RANBP17: variants seen among roughly 807,000 people sequenced by gnomAD.
RANBP17 encodes the protein RAN binding protein 17, also known as ran-binding protein 17.
A neutral mutation model predicts 141.2 loss-of-function variants in RANBP17; 158 were observed. The ratio of observed to expected loss-of-function variants is 1.12; its 90% CI spans 0.98 to 1.28. The LOEUF (loss-of-function observed/expected upper bound fraction) is 1.28, where lower values mean the gene tolerates loss of function less well. RANBP17 is among the 50% of genes most tolerant of loss of function. RANBP17 has a pLI of 0.00. For synonymous variants in RANBP17, 430 were observed against 450.0 expected (o/e 0.96, Z 0.56); for missense variants, 1,438 against 1,290.7 (o/e 1.11, Z -1.75).
chr5:171,110,697 A>T (rs1217067044), intron 14 of RANBP17, among the ~76,000 whole-genome samples: 1 of 152,160 alleles, frequency 6.6e-6, no homozygotes, highest in African/African-American at 2.4e-5. Flanking sequence ...AAGGTTATAT[A>T]CTAGGTTAGA....
intron 16 of RANBP17, among the ~76,000 whole-genome samples, chr5:171,177,504 C>T (rs1402794543): frequency 6.6e-6 from 1 of 152,154 alleles, no homozygotes; most frequent in African/African-American, 2.4e-5. Context: ...GTACTTTATA[C>T]TTGGGCCAAG....
chr5:171,252,532 G>A (rs183857122), intron 24 of RANBP17: 589 of 1,417,610 alleles, frequency 4.2e-4, no homozygotes, highest in Middle Eastern at 1.1e-3. Context: ...CAGCAAACAG[G>A]AAGCACACAA....
chr5:170,918,722 G>C lies in RANBP17; in HGVS notation c.964G>C (p.Asp322His), dbSNP rs769505744. The change falls in exon 10 of 28, where the codon GAT (aspartate) becomes CAT (histidine). Residue 322 changes from aspartate to histidine, a missense_variant. Transcript: ENST00000523189. Reference protein sequence around the residue: ...RILENPQGLSDPGNYHEFCRF... With the variant: ...RILENPQGLSHPGNYHEFCRF... ...TTGTCTCATAATTTAGGGTTTGTCT[G>C]ATCCAGGTAATTATCATGAATTTTG... 1 of 1,603,112 alleles carries C rather than the reference G, an allele frequency of 6.2e-7. No homozygotes were observed. The highest frequency in any genetic ancestry group is 8.5e-7 in the Non-Finnish European group (1 of 1,174,960).
intron 14 of RANBP17, among the ~76,000 whole-genome samples, chr5:171,026,726 A>AT (rs1781257173): frequency 6.6e-6 from 1 of 151,498 alleles, no homozygotes; most frequent in Non-Finnish European, 1.5e-5. Flanking sequence ...CTGGTTTACA[A>AT]TTTTTTTCTT....
chr5:171,000,753 A>T (rs1304716602), intron 14 of RANBP17, among the ~76,000 whole-genome samples: 1 of 152,154 alleles, frequency 6.6e-6, no homozygotes, highest in Non-Finnish European at 1.5e-5. Flanking sequence ...GCAATGTTTT[A>T]CGGGCAGGGG....
chr5:170,973,887 C>T (rs1777170997), intron 14 of RANBP17, among the ~76,000 whole-genome samples: 1 of 152,178 alleles, frequency 6.6e-6, no homozygotes, highest in African/African-American at 2.4e-5. Flanking sequence ...TATGAGGACA[C>T]TAGTCTCATC....
intron 27 of RANBP17, 109 bp from the exon 28 acceptor site, chr5:171,298,653 C>T (rs908030261): frequency 1.7e-5 from 12 of 707,428 alleles, no homozygotes; most frequent in South Asian, 1.5e-4. Flanking sequence ...AGCCGTCCTC[C>T]AGGAGGGGGC....
chr5:170,914,310 C>A, intron 8 of RANBP17, 70 bp downstream of exon 8: 2 of 955,774 alleles, frequency 2.1e-6, no homozygotes, highest in Non-Finnish European at 3.2e-6. Flanking sequence ...ATATTTACTT[C>A]AAAAATTCTG....
At chr5:170,960,905 C>G (rs1776095490) in intron 13 of RANBP17, among the ~76,000 whole-genome samples, 1 of 152,142 alleles carries the variant, frequency 6.6e-6, no homozygotes, top group East Asian at 1.9e-4. Flanking sequence ...GCCACCACAC[C>G]TGGCTAATTT....
At chr5:171,157,183 T>G (rs747105733) in intron 14 of RANBP17, among the ~76,000 whole-genome samples, 6 of 152,234 alleles carry the variant, frequency 3.9e-5, no homozygotes, top group Non-Finnish European at 8.8e-5. Flanking sequence ...CACATTATGA[T>G]AATTGTGAAT....
At chr5:171,247,255 G>C (rs1264646861) in intron 24 of RANBP17, among the ~76,000 whole-genome samples, 1 of 152,094 alleles carries the variant, frequency 6.6e-6, no homozygotes, top group Admixed American at 6.5e-5. Flanking sequence ...TATTTTCTTT[G>C]TACATATTGG....
At chr5:170,863,376 G>C (rs909868432) in intron 1 of RANBP17, 3 of 152,150 alleles carry the variant, frequency 2.0e-5, no homozygotes, top group African/African-American at 7.2e-5. Context: ...AGACTCTTTT[G>C]AACCCCCTGT....
chr5:170,964,282 T>G (rs1219679344), intron 13 of RANBP17, among the ~76,000 whole-genome samples: 11 of 152,204 alleles, frequency 7.2e-5, no homozygotes, highest in African/African-American at 2.2e-4. Flanking sequence ...GATTGTTAAT[T>G]GCAGCATTTT....
intron 14 of RANBP17, among the ~76,000 whole-genome samples, chr5:170,978,296 T>C (rs1198768415): frequency 6.6e-6 from 1 of 152,144 alleles, no homozygotes; most frequent in African/African-American, 2.4e-5. Flanking sequence ...TATTTGGCGA[T>C]GTACTAAAAC....
At chr5:171,071,223 G>C (rs810498) in intron 14 of RANBP17, among the ~76,000 whole-genome samples, 104,118 of 151,834 alleles carry the variant, frequency 0.69, 35,876 homozygotes, top group South Asian at 0.89. Flanking sequence ...TTTATTTAAT[G>C]TGTATGTCAT....
intron 16 of RANBP17, among the ~76,000 whole-genome samples, chr5:171,177,336 GT>G (rs1438639974): frequency 6.6e-6 from 1 of 151,992 alleles, no homozygotes; most frequent in African/African-American, 2.4e-5. Context: ...CTTGAGTATT[GT>G]TTTGATCTGA....
At chr5:171,257,137 A>G (rs1765951711) in intron 24 of RANBP17, among the ~76,000 whole-genome samples, 1 of 152,186 alleles carries the variant, frequency 6.6e-6, no homozygotes. Flanking sequence ...ACAGGCCATT[A>G]TGAACATAGG....
chr5:171,203,458 A>C (rs2127958477), intron 19 of RANBP17, among the ~76,000 whole-genome samples: 1 of 152,318 alleles, frequency 6.6e-6, no homozygotes, highest in East Asian at 1.9e-4. Flanking sequence ...TTTGAGCATA[A>C]GAAATCTATT....
At position 171,265,704 on chromosome 5, in the gene RANBP17, T is replaced by A. The variant is rs757797144; in HGVS notation, c.2800T>A (p.Cys934Ser). The A allele has an allele frequency of 6.2e-7, 1 of 1,613,538 alleles. No homozygotes were observed. The highest frequency in any genetic ancestry group is 8.5e-7 in the Non-Finnish European group (1 of 1,179,862). Residue 934 changes from cysteine (C) to serine (S), a missense_variant, in exon 25 of 28, where the codon TGT becomes AGT. Transcript: ENST00000523189. ...TLDTVVSSSC[C>S]TSLDYIVTYL... is the part of the protein sequence containing the mutation. Reference sequence around the variant, plus strand: ...AGATACAGTTGTCTCCTCCAGCTGCTGTACCAGTTTAGACTACATCGTCAC... The same window carrying A: ...AGATACAGTTGTCTCCTCCAGCTGCAGTACCAGTTTAGACTACATCGTCAC...
Sources: gnomAD v4.1 joint callset for allele counts (sites outside exome capture counted in the v4.1 genomes callset) on GRCh38, gnomAD v4.1.1 for gene constraint, MANE v1.5 for transcripts, NCBI Gene and HGNC (gene_info 2026-07-23, HGNC 2026-07-21) for gene names.